INCA1: variants seen among roughly 807,000 people sequenced by gnomAD.
INCA1 encodes the protein protein INCA1.
A neutral mutation model predicts 25.7 loss-of-function variants in INCA1; 28 were observed. That is an observed-to-expected ratio of 1.09 (90% CI 0.81 to 1.49). The LOEUF (loss-of-function observed/expected upper bound fraction) is 1.49, where lower values mean the gene tolerates loss of function less well. Among genes scored for constraint, INCA1 ranks in the 40% most tolerant of loss-of-function variants. INCA1 has a pLI of 0.00. For missense variants in INCA1, 309 were observed against 290.9 expected (o/e 1.06, Z -0.45); for synonymous variants, 111 against 103.6 (o/e 1.07, Z -0.43).
exon 7 of INCA1, chr17:4,988,240 G>A (rs1246431943): frequency 1.5e-6 from 1 of 675,526 alleles, no homozygotes. Context: ...GTTGAGATGG[G>A]AGCCCACGGG....
At chr17:4,996,044 T>C (rs1434382167) in intron 1 of INCA1, 1 of 151,826 alleles carries the variant, frequency 6.6e-6, no homozygotes, top group African/African-American at 2.4e-5. Context: ...GTCAGTTGCA[T>C]ATAGGGACAG....
chr17:4,996,020 C>T (rs1412484778), intron 1 of INCA1: 8 of 152,132 alleles, frequency 5.3e-5, no homozygotes, highest in Non-Finnish European at 1.2e-4. Context: ...TTGGGAATGC[C>T]TGTGGATAGG....
Position 4,988,805 on chromosome 17 carries a change from G to GGA in INCA1, c.534_535insTC (p.Arg179SerfsTer69). On this transcript the variant is annotated frameshift_variant, in exon 6 of 7. Transcript: ENST00000576820. LOFTEE classifies it low-confidence loss of function (END_TRUNC). The stretch of plus-strand genomic sequence containing the variant: ...TGGGCCCTGCCAGGAGTGAGAAAAC[G>GGA]GTCCTCTTCCTGTGGATAGGTTGCT... 1 of 1,614,122 alleles carries GGA rather than the reference G, an allele frequency of 6.2e-7. No individual in the cohort carries two copies. Among genetic ancestry groups the GGA allele is most frequent in the Non-Finnish European group, 8.5e-7 (1 of 1,180,026 alleles).
chr17:4,988,259 A>T, exon 7 of INCA1: 1 of 856,310 alleles, frequency 1.2e-6, no homozygotes, highest in African/African-American at 1.7e-5. Flanking sequence ...GGGGCTGTTA[A>T]TGCCTAGTTC....
At chr17:4,988,377 C>G in exon 7 of INCA1, 1 of 1,576,406 alleles carries the variant, frequency 6.3e-7, no homozygotes. Flanking sequence ...TGGGGCACCA[C>G]TAGCCTCTCG....
intron 1 of INCA1, chr17:4,996,717 T>C (rs1426713029): frequency 8.9e-6 from 1 of 112,510 alleles, no homozygotes; most frequent in Non-Finnish European, 1.8e-5. Context: ...TAGGAGAGAG[T>C]GCACATAGGC....
chr17:4,994,812 A>AAG (rs1567713209), intron 1 of INCA1, among the ~76,000 whole-genome samples: 59 of 139,092 alleles, frequency 4.2e-4, no homozygotes, highest in African/African-American at 1.5e-3. Flanking sequence ...AAAAAAAAAA[A>AAG]AGGCATTCAT....
chr17:4,988,868 G>A, exon 6 of INCA1: 1 of 1,614,202 alleles, frequency 6.2e-7, no homozygotes, highest in Non-Finnish European at 8.5e-7. Context: ...TTGGTGCTGG[G>A]GAATCCACAG....
At chr17:4,994,357 CCCATCCCCA>C in intron 2 of INCA1, 28 bp downstream of exon 2, 1 of 1,602,110 alleles carries the variant, frequency 6.2e-7, no homozygotes. Flanking sequence ...TCCCCTCCAT[CCCATCCCCA>C]TGCTCCCCAC....
intron 3 of INCA1, 51 bp downstream of exon 3, chr17:4,990,101 T>C (rs1973758255): frequency 6.2e-7 from 1 of 1,611,918 alleles, no homozygotes; most frequent in Non-Finnish European, 8.5e-7. Flanking sequence ...TATGGTAGTT[T>C]AATCCAGTTA....
chr17:4,991,106 C>T (rs1353535575), intron 2 of INCA1, among the ~76,000 whole-genome samples: 2 of 151,432 alleles, frequency 1.3e-5, no homozygotes, highest in Non-Finnish European at 2.9e-5. Context: ...TTAGTAGAGA[C>T]GGGGTTTTGC....
At chr17:4,988,274 G>T in exon 7 of INCA1, 2 of 1,025,412 alleles carry the variant, frequency 2.0e-6, no homozygotes, top group Non-Finnish European at 1.4e-6. Context: ...TAGTTCAGAG[G>T]ATGGGAAAGG....
At chr17:4,988,700 C>T in intron 6 of INCA1, 79 bp downstream of exon 6, 5 of 1,584,694 alleles carry the variant, frequency 3.2e-6, no homozygotes, top group Non-Finnish European at 4.3e-6. Flanking sequence ...TCCAGCCTGG[C>T]TCTCAGCTTC....
chr17:4,996,168 C>T (rs549933800), intron 1 of INCA1, among the ~76,000 whole-genome samples: 4 of 151,592 alleles, frequency 2.6e-5, no homozygotes, highest in East Asian at 3.9e-4. Flanking sequence ...GTGGATTGCT[C>T]GAGCCCAGGA....
At chr17:4,996,835 G>GTA (rs1379925828) in intron 1 of INCA1, 1 of 153,242 alleles carries the variant, frequency 6.5e-6, no homozygotes, top group Non-Finnish European at 1.5e-5. Flanking sequence ...GCGGAGAGAA[G>GTA]TATACCGTGC....
chr17:4,989,247 T>C (rs149250574), intron 5 of INCA1, among the ~76,000 whole-genome samples, 181 bp downstream of exon 5: 1 of 152,262 alleles, frequency 6.6e-6, no homozygotes, highest in East Asian at 1.9e-4. Flanking sequence ...GTTCCCTCCT[T>C]CTTTCCATAT....
intron 2 of INCA1, 61 bp downstream of exon 2, chr17:4,994,333 C>T (rs2080427085): frequency 6.8e-7 from 1 of 1,479,238 alleles, no homozygotes; most frequent in Non-Finnish European, 9.4e-7. Flanking sequence ...AGGGAAGGAC[C>T]CAGGCATGCA....
intron 1 of INCA1, among the ~76,000 whole-genome samples, chr17:4,996,149 C>T (rs541162591): frequency 5.3e-5 from 8 of 152,136 alleles, no homozygotes; most frequent in African/African-American, 1.9e-4. Flanking sequence ...ATTTGGGAGG[C>T]GGAAGTGGGT....
At chr17:4,990,013 T>C (rs1425652872) in intron 3 of INCA1, 84 bp from the exon 4 acceptor site, 35 of 1,611,830 alleles carry the variant, frequency 2.2e-5, no homozygotes, top group Non-Finnish European at 3.0e-5. Flanking sequence ...CCCGACCTCC[T>C]TTCTGTCATT....
Sources: gnomAD v4.1 joint callset for allele counts (sites outside exome capture counted in the v4.1 genomes callset) on GRCh38, gnomAD v4.1.1 for gene constraint, MANE v1.5 for transcripts, NCBI Gene and HGNC (gene_info 2026-07-23, HGNC 2026-07-21) for gene names.